The following TG variants were observed in gnomAD, a reference collection of about 807,000 sequenced individuals.
The protein encoded by TG is thyroid hormones.
Under a neutral mutation model 324.7 loss-of-function variants are expected in TG, and 270 were observed. The ratio of observed to expected loss-of-function variants is 0.83; its 90% CI spans 0.75 to 0.92. The LOEUF (loss-of-function observed/expected upper bound fraction) is 0.92. Ranked by LOEUF, TG falls within the 40% of genes least tolerant of loss-of-function variation. The pLI, the probability that TG is intolerant of heterozygous loss-of-function variation, is 0.00. For missense variants in TG, 3,591 were observed against 3,456.4 expected (o/e 1.04, Z -0.98); for synonymous variants, 1,401 against 1,327.0 (o/e 1.06, Z -1.21).
Position 133,019,669 on chromosome 8 carries a change from C to G in TG, c.6850C>G (p.Leu2284Val). 6.2e-7 allele frequency: 1 copy of G among 1,613,536 alleles called. No homozygotes were observed. The highest frequency in any genetic ancestry group is 8.5e-7 in the Non-Finnish European group (1 of 1,179,648). The change falls in exon 39 of 48, where the codon CTC (leucine) becomes GTC (valine). Residue 2284 changes from leucine to valine, a missense_variant. Transcript: ENST00000220616. ...SPGVSEDCLY[L>V]NVFIPQNVAP... ...TGGAGTCAGTGAAGATTGTTTGTATCTCAATGTGTTCATCCCTCAGAATGT... is the reference window on the plus strand; with the variant it reads ...TGGAGTCAGTGAAGATTGTTTGTATGTCAATGTGTTCATCCCTCAGAATGT...
At chr8:133,051,996 A>G (rs1335938850) in intron 41 of TG, among the ~76,000 whole-genome samples, 3 of 152,194 alleles carry the variant, frequency 2.0e-5, no homozygotes, top group Non-Finnish European at 2.9e-5. Flanking sequence ...CATGTTCTAC[A>G]GGATACATAA....
intron 26 of TG, among the ~76,000 whole-genome samples, chr8:132,942,158 T>A (rs531347995): frequency 6.6e-6 from 1 of 152,370 alleles, no homozygotes; most frequent in South Asian, 2.1e-4. Flanking sequence ...TTTGGTGTTA[T>A]GGACCTGGGT....
In TG at chr8:133,131,723, G is replaced by A; in HGVS notation, c.7863-89G>A. The A allele has an allele frequency of 3.8e-6, 6 of 1,570,946 alleles. No individual in the cohort carries two copies. In the Admixed American group the frequency reaches 1.1e-4, roughly 28 times the overall value. ...ATAAAGAAGGGAAAGTCTTGGTTTT[G>A]GAAGAAATATTTTTGTTTGTGTGTT... On this transcript the variant is annotated intron_variant, in intron 45 of 47. Coordinates refer to ENST00000220616, the MANE Select transcript of TG (RefSeq NM_003235.5).
At chr8:133,102,569 C>G in intron 43 of TG, 3 of 1,551,572 alleles carry the variant, frequency 1.9e-6, no homozygotes, top group Non-Finnish European at 2.6e-6. Context: ...AGCATCAGGG[C>G]TGCCTGAGAT....
Position 133,011,906 on chromosome 8 carries a change from C to G in TG, c.6268C>G (p.Leu2090Val). The G allele has an allele frequency of 3.1e-6, 5 of 1,614,204 alleles. No individual in the cohort carries two copies. Among genetic ancestry groups the G allele is most frequent in the Non-Finnish European group, 4.2e-6 (5 of 1,180,040 alleles). ...VLPSLTEKVS[L>V]DSWQSLALSS... ...TCCGTTGCCTTCTCTCCTAGTGTCT[C>G]TGGACTCGTGGCAGTCCCTGGCCCT... The change falls in exon 36 of 48, where the codon CTG becomes GTG. Residue 2090 changes from leucine to valine, a missense_variant. Leu to Val is a conservative substitution (Grantham distance 32, BLOSUM62 1). Coordinates refer to ENST00000220616, the MANE Select transcript of TG (RefSeq NM_003235.5).
rs143818967 is a variant in TG, at chr8:132,944,270, G to C, written c.5233+2728G>C. ...GTCACCTCAGTCTGCATTTAAGCCT[G>C]TATTATTATTTTCTTGGCACCTGTA... On this transcript the variant is annotated intron_variant, in intron 26 of 47. Coordinates refer to ENST00000220616, the MANE Select transcript of TG (RefSeq NM_003235.5). Among the ~76,000 whole-genome samples the C allele has an allele frequency of 7.2e-5, 11 of 152,184 alleles. No homozygotes were observed. In the East Asian group the frequency reaches 2.1e-3, roughly 29 times the overall value.
At chr8:133,019,301 G>A (rs1428205075) in intron 38 of TG, among the ~76,000 whole-genome samples, 1 of 152,226 alleles carries the variant, frequency 6.6e-6, no homozygotes, top group Admixed American at 6.5e-5. Context: ...GGTCCTGAGT[G>A]GCTTTCATTG....
chr8:132,926,273 G>A (rs559483841), intron 22 of TG, among the ~76,000 whole-genome samples: 79 of 152,332 alleles, frequency 5.2e-4, no homozygotes, highest in African/African-American at 1.9e-3. Context: ...GGCTTCTGCT[G>A]TTACCTACAT....
chr8:133,062,827 A>G (rs1265634882), intron 41 of TG, among the ~76,000 whole-genome samples: 1 of 151,110 alleles, frequency 6.6e-6, no homozygotes, highest in East Asian at 2.0e-4. Context: ...CAGGAAGCAC[A>G]CATGTGACAC....
intron 25 of TG, among the ~76,000 whole-genome samples, chr8:132,938,650 A>G (rs1823959329): frequency 6.6e-6 from 1 of 152,194 alleles, no homozygotes; most frequent in African/African-American, 2.4e-5. Context: ...AGGTGCTTGG[A>G]TGAAAATGAA....
intron 4 of TG, among the ~76,000 whole-genome samples, chr8:132,872,408 G>A (rs959124422): frequency 1.3e-5 from 2 of 150,902 alleles, no homozygotes; most frequent in Non-Finnish European, 2.9e-5. Flanking sequence ...AACCCGGGAG[G>A]TGGAGCTTGC....
chr8:132,883,102 G>C, intron 8 of TG, 103 bp downstream of exon 8: 1 of 1,310,140 alleles, frequency 7.6e-7, no homozygotes, highest in African/African-American at 1.5e-5. Context: ...CTGCCTTCTA[G>C]TGTGCCCCTC....
At chr8:133,131,046 C>A (rs1851910079) in intron 45 of TG, among the ~76,000 whole-genome samples, 2 of 152,206 alleles carry the variant, frequency 1.3e-5, no homozygotes, top group African/African-American at 4.8e-5. Context: ...GTATGACTCA[C>A]CTTCCAGAAG....
chr8:133,026,988 G>T (rs182299921), intron 40 of TG, among the ~76,000 whole-genome samples: 2 of 152,168 alleles, frequency 1.3e-5, no homozygotes, highest in Admixed American at 1.3e-4. Flanking sequence ...TATCACCCCC[G>T]TTTTACAGAT....
chr8:132,955,865 T>C (rs9283959), intron 27 of TG, among the ~76,000 whole-genome samples: 46,646 of 152,144 alleles, frequency 0.31, 9,648 homozygotes, highest in African/African-American at 0.58. Flanking sequence ...AAAGACCACG[T>C]CACACCCAGC....
In TG at chr8:133,129,563, G is replaced by T. The variant is rs568035857; in HGVS notation, c.7863-2249G>T. ...CAGGTTGGAGTGCAGTGGTACAATC[G>T]TGGCTCACTGCAGCCTCGAACCTCC... On this transcript the variant is annotated intron_variant, in intron 45 of 47. Coordinates refer to ENST00000220616, the MANE Select transcript of TG (RefSeq NM_003235.5). Among the ~76,000 whole-genome samples, 8 of 152,072 alleles carry T rather than the reference G, an allele frequency of 5.3e-5. No homozygotes were observed. The South Asian group carries it at 1.7e-3, about 32-fold the overall frequency.
At chr8:133,116,468 A>C in intron 44 of TG, 141 bp from the exon 45 acceptor site, 2 of 712,552 alleles carry the variant, frequency 2.8e-6, no homozygotes, top group Non-Finnish European at 5.1e-6. Flanking sequence ...TTGCTGGGGA[A>C]TGGGAAGAAG....
intron 1 of TG, among the ~76,000 whole-genome samples, chr8:132,867,817 A>C (rs1432996684): frequency 6.6e-6 from 1 of 151,942 alleles, no homozygotes; most frequent in Non-Finnish European, 1.5e-5. Flanking sequence ...CCCAGCGTTG[A>C]TTTTGGGATC....
chr8:133,123,342 T>C (rs1432948702), intron 45 of TG, among the ~76,000 whole-genome samples: 1 of 151,960 alleles, frequency 6.6e-6, no homozygotes, highest in Admixed American at 6.6e-5. Flanking sequence ...CAGTGCTTCT[T>C]TGTGACAAAG....
Sources: gnomAD v4.1 joint callset for allele counts (sites outside exome capture counted in the v4.1 genomes callset) on GRCh38, gnomAD v4.1.1 for gene constraint, MANE v1.5 for transcripts, NCBI Gene and HGNC (gene_info 2026-07-23, HGNC 2026-07-21) for gene names.